Variants in ELF2 observed in about 807,000 individuals in gnomAD.
ELF2 encodes ETS-related transcription factor Elf-2.
In ELF2, 11 loss-of-function variants were observed where a neutral mutation model predicts 54.8. The observed-to-expected ratio is 0.20, with a 90% confidence interval of 0.13 to 0.33. The LOEUF (loss-of-function observed/expected upper bound fraction) is 0.33, where lower values mean the gene tolerates loss of function less well. Ranked by LOEUF, ELF2 falls within the 10% of genes least tolerant of loss-of-function variation. ELF2 has a pLI of 1.00. For missense variants in ELF2, 513 were observed against 703.0 expected, an observed-to-expected ratio of 0.73 and a Z score of 3.06; for synonymous variants, 203 against 245.1, an observed-to-expected ratio of 0.83 and a Z score of 1.61.
intron 4 of ELF2, among the ~76,000 whole-genome samples, chr4:139,083,399 C>G (rs1040108633): frequency 2.0e-5 from 3 of 152,314 alleles, no homozygotes; most frequent in Non-Finnish European, 4.4e-5. Flanking sequence ...GGGCATAAAC[C>G]TAGTTTCTTC....
At chr4:139,153,272 T>C (rs1214096961) in intron 1 of ELF2, among the ~76,000 whole-genome samples, 1 of 151,752 alleles carries the variant, frequency 6.6e-6, no homozygotes, top group African/African-American at 2.4e-5. Flanking sequence ...CCATCTCTAC[T>C]AAAAATACAA....
chr4:139,100,367 A>T (rs1263479315), intron 4 of ELF2: 1 of 152,206 alleles, frequency 6.6e-6, no homozygotes, highest in Non-Finnish European at 1.5e-5. Context: ...AGACCATATT[A>T]AAAACTCCTG....
At chr4:139,065,607 C>CT (rs1247326561) in intron 7 of ELF2, among the ~76,000 whole-genome samples, 1 of 152,156 alleles carries the variant, frequency 6.6e-6, no homozygotes, top group Non-Finnish European at 1.5e-5. Context: ...AGAAAAAACA[C>CT]TGGCTGGACT....
chr4:139,111,057 T>C (rs1052524213), intron 4 of ELF2, among the ~76,000 whole-genome samples: 8 of 152,170 alleles, frequency 5.3e-5, no homozygotes, highest in African/African-American at 1.9e-4. Context: ...GTGTATTACA[T>C]TTTTTAAAAA....
chr4:139,107,797 A>G (rs1734564496), intron 4 of ELF2, among the ~76,000 whole-genome samples: 1 of 152,258 alleles, frequency 6.6e-6, no homozygotes, highest in African/African-American at 2.4e-5. Context: ...TAACATAACA[A>G]CTCTCACAAG....
At chr4:139,112,422 G>C (rs1735048191) in intron 4 of ELF2, among the ~76,000 whole-genome samples, 1 of 152,182 alleles carries the variant, frequency 6.6e-6, no homozygotes, top group Admixed American at 6.5e-5. Flanking sequence ...GCAAAGAGAG[G>C]GTCTTGTTTA....
In ELF2 at chr4:139,059,627, A is replaced by C. The variant is rs1423909076; in HGVS notation, c.1158-20T>G. ...ACTGTCCTAGTACATTAGAAAGAAAAAAGCTGATTATATTTAATGCCAACT... is the reference window on the plus strand; with the variant it reads ...ACTGTCCTAGTACATTAGAAAGAAACAAGCTGATTATATTTAATGCCAACT... On this transcript the variant is annotated intron_variant, in intron 9 of 9. Coordinates refer to ENST00000686138, the MANE Select transcript of ELF2 (RefSeq NM_001331036.3). 1.3e-6 allele frequency: 2 copies of C among 1,590,998 alleles called. No individual in the cohort carries two copies. Among genetic ancestry groups the C allele is most frequent in the Admixed American group, 3.4e-5 (2 of 58,266 alleles).
chr4:139,115,475 G>A (rs1560828226), intron 4 of ELF2: 25 of 858,698 alleles, frequency 2.9e-5, no homozygotes, highest in Non-Finnish European at 3.4e-5. Context: ...GGCGAGGGCA[G>A]CGGCGGGGGT....
rs191352606 is a variant in ELF2 at position 139,173,690 on chromosome 4, G to A, written c.-252+3277C>T. 6.4e-3 allele frequency among the ~76,000 whole-genome samples: 961 copies of A among 151,044 alleles called. 4 individuals carry two copies. Among genetic ancestry groups the A allele is most frequent in the Non-Finnish European group, 8.7e-3 (591 of 67,762 alleles). ...AGAGAATCGCTTGAACCCGAGAGGC[G>A]GAGGTTGCAATGAGCTGAGATCGTG... On this transcript the variant is annotated intron_variant, in intron 1 of 9. Coordinates refer to ENST00000686138, the MANE Select transcript of ELF2 (RefSeq NM_001331036.3).
At chr4:139,156,650 T>C (rs367837406) in intron 1 of ELF2, among the ~76,000 whole-genome samples, 3 of 151,392 alleles carry the variant, frequency 2.0e-5, no homozygotes, top group African/African-American at 7.3e-5. Flanking sequence ...TTGTTGCTGT[T>C]GTTGTTAAAG....
chr4:139,174,312 C>T (rs557252523), intron 1 of ELF2, among the ~76,000 whole-genome samples: 1 of 150,144 alleles, frequency 6.7e-6, no homozygotes, highest in Non-Finnish European at 1.5e-5. Context: ...TTATGCTAAA[C>T]GAAAGAAGCC....
chr4:139,136,267 T>C (rs1439059598), intron 3 of ELF2, among the ~76,000 whole-genome samples: 4 of 152,238 alleles, frequency 2.6e-5, no homozygotes, highest in Admixed American at 1.3e-4. Context: ...TTAATGGACT[T>C]TGTACCTGTT....
chr4:139,099,113 T>A (rs1174762528), intron 4 of ELF2, among the ~76,000 whole-genome samples: 1 of 152,224 alleles, frequency 6.6e-6, no homozygotes, highest in Non-Finnish European at 1.5e-5. Context: ...CCAAATAATG[T>A]TTCATACAGT....
intron 4 of ELF2, among the ~76,000 whole-genome samples, chr4:139,110,124 A>C (rs1363284999): frequency 1.3e-5 from 2 of 152,246 alleles, no homozygotes; most frequent in African/African-American, 4.8e-5. Context: ...AACTTTTAAG[A>C]AATTTACACT....
chr4:139,083,190 G>T (rs1463976600), intron 4 of ELF2, among the ~76,000 whole-genome samples: 1 of 149,672 alleles, frequency 6.7e-6, no homozygotes, highest in Non-Finnish European at 1.5e-5. Context: ...TTGGGGGGGG[G>T]TAGAGGGGAA....
intron 4 of ELF2, among the ~76,000 whole-genome samples, chr4:139,078,136 T>C (rs1730578813): frequency 6.6e-6 from 1 of 152,204 alleles, no homozygotes; most frequent in African/African-American, 2.4e-5. Context: ...CAACAGCTGT[T>C]ACAAAATACC....
At position 139,121,170 on chromosome 4, in the gene ELF2, G is replaced by A. The variant is rs1459734517; in HGVS notation, c.238+3994C>T. On this transcript the variant is annotated intron_variant, in intron 4 of 9. Coordinates refer to ENST00000686138, the MANE Select transcript of ELF2 (RefSeq NM_001331036.3). ...GTCGCCCAGGCTGGAGTGCAGTGGC[G>A]CGATCTCGGCTCACTGCAAGCTCCG... Among the ~76,000 whole-genome samples, 5 of 132,380 alleles carry A rather than the reference G, an allele frequency of 3.8e-5. 1 individual carries two copies. The South Asian group carries it at 9.9e-4, about 26-fold the overall frequency. 86.8% of individuals were successfully genotyped at this position (132,380 alleles called of 152,430 possible).
intron 1 of ELF2, among the ~76,000 whole-genome samples, chr4:139,157,372 TAG>T (rs1365286457): frequency 1.3e-5 from 2 of 152,264 alleles, no homozygotes; most frequent in East Asian, 3.9e-4. Flanking sequence ...GAAATGAACT[TAG>T]ATAACTTGTG....
Position 139,058,968 on chromosome 4 carries a change from G to A in ELF2, c.*15C>T. 4 of 1,587,730 alleles carry A rather than the reference G, an allele frequency of 2.5e-6. No individual in the cohort carries two copies. The highest frequency in any genetic ancestry group is 3.4e-6 in the Non-Finnish European group (4 of 1,166,390). On this transcript the variant is annotated 3_prime_UTR_variant, in exon 10 of 10. Coordinates refer to ENST00000686138, the MANE Select transcript of ELF2 (RefSeq NM_001331036.3). The stretch of plus-strand genomic sequence containing the variant: ...CTGCCACTAACAGCCTGAAGTCCAT[G>A]GTGGAGCTGCTATTTTATTTCTCAC...
Sources: gnomAD v4.1 joint callset for allele counts (sites outside exome capture counted in the v4.1 genomes callset) on GRCh38, gnomAD v4.1.1 for gene constraint, MANE v1.5 for transcripts, NCBI Gene and HGNC (gene_info 2026-07-23, HGNC 2026-07-21) for gene names.